CACNA2D3: variants seen among roughly 807,000 people sequenced by gnomAD.
The protein encoded by CACNA2D3 is calcium voltage-gated channel auxiliary subunit alpha2delta 3, also known as voltage-dependent calcium channel subunit alpha-2/delta-3.
A neutral mutation model predicts 160.6 loss-of-function variants in CACNA2D3; 60 were observed. That is an observed-to-expected ratio of 0.37 (90% CI 0.30 to 0.46). The LOEUF (loss-of-function observed/expected upper bound fraction) is 0.46, where lower values mean the gene tolerates loss of function less well. Ranked by LOEUF, CACNA2D3 falls within the 20% of genes least tolerant of loss-of-function variation. The pLI is 1.00. For missense variants in CACNA2D3, 1,205 were observed against 1,365.0 expected, an observed-to-expected ratio of 0.88 and a Z score of 1.85; for synonymous variants, 558 against 492.9, an observed-to-expected ratio of 1.13 and a Z score of -1.75.
intron 9 of CACNA2D3, among the ~76,000 whole-genome samples, chr3:54,599,929 G>T (rs1355828226): frequency 6.6e-6 from 1 of 152,224 alleles, no homozygotes; most frequent in African/African-American, 2.4e-5. Context: ...CCCTGAGCCT[G>T]GGGAGGACCA....
intron 4 of CACNA2D3, among the ~76,000 whole-genome samples, chr3:54,408,236 A>G (rs950646977): frequency 1.3e-5 from 2 of 152,196 alleles, no homozygotes; most frequent in African/African-American, 4.8e-5. Context: ...GGTACCTTGG[A>G]GAAAATCCCC....
chr3:54,184,100 A>C (rs1256197728), intron 2 of CACNA2D3, among the ~76,000 whole-genome samples: 1 of 152,116 alleles, frequency 6.6e-6, no homozygotes, highest in Non-Finnish European at 1.5e-5. Flanking sequence ...CATGAGCACA[A>C]GCACATGTTG....
At chr3:54,455,269 CT>C (rs569901769) in intron 4 of CACNA2D3, among the ~76,000 whole-genome samples, 112 of 151,952 alleles carry the variant, frequency 7.4e-4, no homozygotes, top group African/African-American at 2.6e-3. Context: ...CTTTTTTTGT[CT>C]TTTTGATGAT....
intron 4 of CACNA2D3, among the ~76,000 whole-genome samples, chr3:54,484,329 T>C (rs1700980662): frequency 6.6e-6 from 1 of 152,228 alleles, no homozygotes; most frequent in Admixed American, 6.5e-5. Context: ...GTACAGCCTG[T>C]TGGAAATCCA....
At chr3:54,386,832 A>T in intron 4 of CACNA2D3, 58 bp downstream of exon 4, 4 of 1,405,930 alleles carry the variant, frequency 2.8e-6, no homozygotes, top group Admixed American at 4.2e-5. Context: ...AAGGACAAGT[A>T]CCAGGTATAC....
At chr3:54,800,502 C>T (rs1413716059) in intron 13 of CACNA2D3, among the ~76,000 whole-genome samples, 1 of 152,136 alleles carries the variant, frequency 6.6e-6, no homozygotes, top group Non-Finnish European at 1.5e-5. Flanking sequence ...TTTTCAGATA[C>T]AATGCAGAGT....
At chr3:54,606,800 C>T (rs1342769147) in intron 9 of CACNA2D3, among the ~76,000 whole-genome samples, 3 of 152,092 alleles carry the variant, frequency 2.0e-5, no homozygotes, top group Non-Finnish European at 4.4e-5. Context: ...TACTTCTTTT[C>T]ACCCCCTCTC....
At chr3:55,058,640 A>T (rs1283026079) in intron 35 of CACNA2D3, among the ~76,000 whole-genome samples, 1 of 152,114 alleles carries the variant, frequency 6.6e-6, no homozygotes, top group African/African-American at 2.4e-5. Context: ...TTTTTTTTAA[A>T]TAGAAAGTTA....
intron 13 of CACNA2D3, among the ~76,000 whole-genome samples, chr3:54,790,827 C>T (rs528256517): frequency 6.6e-6 from 1 of 152,132 alleles, no homozygotes; most frequent in Admixed American, 6.6e-5. Flanking sequence ...AGGGGCTTTT[C>T]TTTCTTGGCC....
At chr3:54,913,230 G>A (rs2106912779) in intron 27 of CACNA2D3, among the ~76,000 whole-genome samples, 1 of 152,246 alleles carries the variant, frequency 6.6e-6, no homozygotes, top group East Asian at 1.9e-4. Context: ...TCATAGGCAT[G>A]TGCCACCACA....
At chr3:54,770,361 G>A (rs894162921) in intron 13 of CACNA2D3, among the ~76,000 whole-genome samples, 3 of 152,034 alleles carry the variant, frequency 2.0e-5, no homozygotes, top group Admixed American at 6.6e-5. Context: ...TGATGAATCC[G>A]ATTTTTCCAA....
chr3:54,524,361 A>G (rs1355496309), intron 5 of CACNA2D3, among the ~76,000 whole-genome samples: 1 of 152,142 alleles, frequency 6.6e-6, no homozygotes, highest in Non-Finnish European at 1.5e-5. Context: ...TGGTCAGAAC[A>G]TACACTTTTG....
intron 11 of CACNA2D3, among the ~76,000 whole-genome samples, chr3:54,703,171 G>A (rs114511852): frequency 1.4e-4 from 22 of 152,000 alleles, no homozygotes; most frequent in Admixed American, 3.3e-4. Flanking sequence ...TACACCAAAC[G>A]CCAGTGACAT....
intron 24 of CACNA2D3, among the ~76,000 whole-genome samples, chr3:54,889,780 C>G (rs1010429293): frequency 6.6e-6 from 1 of 152,208 alleles, no homozygotes; most frequent in Non-Finnish European, 1.5e-5. Context: ...TCCTGGGAAG[C>G]TGGCAACGAA....
intron 5 of CACNA2D3, among the ~76,000 whole-genome samples, chr3:54,559,366 C>T (rs76259111): frequency 0.052 from 7,870 of 152,120 alleles, 655 homozygotes; most frequent in African/African-American, 0.18. Flanking sequence ...GGCGCGATCT[C>T]GGCTCAACCT....
At chr3:54,880,981 A>G (rs1699782728) in intron 21 of CACNA2D3, 118 bp downstream of exon 21, 4 of 805,080 alleles carry the variant, frequency 5.0e-6, no homozygotes, top group East Asian at 2.4e-5. Flanking sequence ...TCCCTTGGAC[A>G]TTCCACTCAA....
intron 5 of CACNA2D3, among the ~76,000 whole-genome samples, chr3:54,523,356 C>T (rs1301558703): frequency 6.6e-6 from 1 of 151,904 alleles, no homozygotes; most frequent in Non-Finnish European, 1.5e-5. Flanking sequence ...AATTGATTTC[C>T]AGATGTTAAA....
At chr3:54,530,081 G>A (rs551047398) in intron 5 of CACNA2D3, among the ~76,000 whole-genome samples, 12 of 152,296 alleles carry the variant, frequency 7.9e-5, no homozygotes, top group African/African-American at 2.6e-4. Flanking sequence ...GGTCAAAGTC[G>A]TGGGGGATGT....
intron 11 of CACNA2D3, among the ~76,000 whole-genome samples, chr3:54,727,125 A>C (rs1422710707): frequency 6.6e-6 from 1 of 152,246 alleles, no homozygotes; most frequent in Non-Finnish European, 1.5e-5. Flanking sequence ...TCAAAAGAAG[A>C]CATTTATGCA....
Sources: gnomAD v4.1 joint callset for allele counts (sites outside exome capture counted in the v4.1 genomes callset) on GRCh38, gnomAD v4.1.1 for gene constraint, MANE v1.5 for transcripts, NCBI Gene and HGNC (gene_info 2026-07-23, HGNC 2026-07-21) for gene names.